Variants in TRPA1 observed in about 807,000 individuals in gnomAD.
The protein encoded by TRPA1 is ankyrin-like with transmembrane domains 1.
TRPA1 carries 129 observed loss-of-function variants against 131.3 expected under a neutral mutation model. The ratio of observed to expected loss-of-function variants is 0.98; its 90% confidence interval spans 0.85 to 1.14. The LOEUF is 1.14. Among genes scored for constraint, TRPA1 ranks in the 50% most tolerant of loss-of-function variants. The pLI is 0.00. For missense variants in TRPA1, 1,304 were observed against 1,354.2 expected, an observed-to-expected ratio of 0.96 and a Z score of 0.58; for synonymous variants, 441 against 451.7, an observed-to-expected ratio of 0.98 and a Z score of 0.30.
In TRPA1 at chr8:72,023,018, C is replaced by T. The variant is rs1163991952; in HGVS notation, c.3248G>A (p.Ser1083Asn). The T allele has an allele frequency of 6.2e-6, 10 of 1,613,728 alleles. No individual in the cohort carries two copies. The highest frequency in any genetic ancestry group is 8.5e-6 in the Non-Finnish European group (10 of 1,179,858). ...AAACCTGTCTTGAAAAGAACAATGGCTATCATCATCCTCTGTCTCAGAGAT... is the reference window on the plus strand; with the variant it reads ...AAACCTGTCTTGAAAAGAACAATGGTTATCATCATCCTCTGTCTCAGAGAT... The part of the protein sequence containing the change: ...EIISETEDDD[S>N]HCSFQDRFKK... The change falls in exon 27 of 27, where the codon AGC (serine) becomes AAC (asparagine). Residue 1083 changes from serine (S) to asparagine (N), a missense_variant. Coordinates refer to ENST00000262209, the MANE Select transcript of TRPA1 (RefSeq NM_007332.3).
At position 72,038,003 on chromosome 8, in the gene TRPA1, C is replaced by T; in HGVS notation, c.2365G>A (p.Ala789Thr). 6.2e-7 allele frequency: 1 copy of T among 1,601,400 alleles called. No homozygotes were observed. The highest frequency in any genetic ancestry group is 1.1e-5 in the South Asian group (1 of 90,620). ...LSSIFGYCKE[A>T]GQIFQQKRNY... The stretch of plus-strand genomic sequence containing the variant: ...CATACCTGTTGGAAAATTTGCCCCG[C>T]TTCTTTGCAATACCCAAATATACTT... Residue 789 changes from alanine to threonine, a missense_variant, in exon 20 of 27, where the codon GCG becomes ACG. Transcript: ENST00000262209.
intron 15 of TRPA1, 61 bp downstream of exon 15, chr8:72,050,717 G>A (rs1436772119): frequency 3.7e-6 from 4 of 1,069,028 alleles, no homozygotes; most frequent in Non-Finnish European, 5.8e-6. Context: ...TTATTAGGTT[G>A]TGATTACAAC....
At chr8:72,048,760 T>C (rs1805414418) in intron 15 of TRPA1, among the ~76,000 whole-genome samples, 1 of 152,062 alleles carries the variant, frequency 6.6e-6, no homozygotes. Flanking sequence ...AATTAAGTCA[T>C]TATAGAAAAT....
chr8:72,086,103 CT>C, the TRPA1 span, among the ~76,000 whole-genome samples: 1 of 151,872 alleles, frequency 6.6e-6, no homozygotes, highest in African/African-American at 2.4e-5. Context: ...GGGTTTCAAC[CT>C]GTTAGCCAGG....
rs1805906986 is a variant in TRPA1, at chr8:72,065,416, TAAAG to T, written c.552+31_552+34del. On this transcript the variant is annotated intron_variant, in intron 4 of 26. Coordinates refer to ENST00000262209, the MANE Select transcript of TRPA1 (RefSeq NM_007332.3). ...AATCCATGTTGTATTCATGAAAAGA[TAAAG>T]AAAGCAGACAGATATGACAAATATA... The T allele has an allele frequency of 4.0e-6, 6 of 1,482,166 alleles. No individual in the cohort carries two copies. In the South Asian group the frequency reaches 5.7e-5, roughly 14 times the overall value. 91.8% of individuals were successfully genotyped at this position (1,482,166 alleles called of 1,614,324 possible). A position where few individuals can be genotyped will look rare whatever the true frequency, so the allele number is the denominator to read the frequency against.
At chr8:72,077,964 A>G (rs2587561), upstream of TRPA1, among the ~76,000 whole-genome samples, 19,780 of 151,956 alleles carry the variant, frequency 0.13, 1,430 homozygotes, top group East Asian at 0.32. Context: ...TCAAATTACA[A>G]TTTGACATTA....
chr8:72,034,714 C>G (rs1811965112), intron 21 of TRPA1, among the ~76,000 whole-genome samples: 1 of 152,194 alleles, frequency 6.6e-6, no homozygotes, highest in Non-Finnish European at 1.5e-5. Context: ...TCTGCCTCAG[C>G]TTCCCGAGTA....
intron 23 of TRPA1, among the ~76,000 whole-genome samples, chr8:72,031,087 A>C (rs937146577): frequency 2.0e-5 from 3 of 152,238 alleles, no homozygotes; most frequent in African/African-American, 7.2e-5. Context: ...AGTATAGAGC[A>C]GGGTACATAA....
chr8:72,084,786 G>A, the TRPA1 span, among the ~76,000 whole-genome samples: 4 of 150,990 alleles, frequency 2.6e-5, no homozygotes, highest in Admixed American at 2.0e-4. Context: ...TGAGTAACTG[G>A]GATTACAGGT....
chr8:72,024,314 T>A (rs1040880666), intron 25 of TRPA1, among the ~76,000 whole-genome samples: 1 of 152,236 alleles, frequency 6.6e-6, no homozygotes, highest in African/African-American at 2.4e-5. Flanking sequence ...AAGTTTCACC[T>A]GGAGAAATTT....
chr8:72,046,666 C>A, intron 16 of TRPA1, 58 bp from the exon 17 acceptor site: 1 of 858,438 alleles, frequency 1.2e-6, no homozygotes, highest in South Asian at 1.6e-5. Context: ...ATAGAATCCC[C>A]AAAGTAATTC....
intron 17 of TRPA1, among the ~76,000 whole-genome samples, chr8:72,042,937 T>C (rs1296488235): frequency 6.6e-6 from 1 of 151,860 alleles, no homozygotes; most frequent in Non-Finnish European, 1.5e-5. Flanking sequence ...GTTTAATAAG[T>C]ATAGAGTTTC....
At chr8:72,069,829 C>T (rs2129436620) in intron 2 of TRPA1, among the ~76,000 whole-genome samples, 1 of 151,654 alleles carries the variant, frequency 6.6e-6, no homozygotes, top group Admixed American at 6.6e-5. Context: ...GAGAGAGAGA[C>T]CTTGTGATGT....
chr8:72,027,394 G>A (rs1811646786), intron 24 of TRPA1, among the ~76,000 whole-genome samples: 1 of 152,118 alleles, frequency 6.6e-6, no homozygotes, highest in Non-Finnish European at 1.5e-5. Flanking sequence ...TCTAACTGGT[G>A]GGGTTTCCAT....
intron 21 of TRPA1, among the ~76,000 whole-genome samples, chr8:72,035,151 A>G (rs1217602034): frequency 6.6e-6 from 1 of 152,166 alleles, no homozygotes; most frequent in Admixed American, 6.6e-5. Flanking sequence ...TCTGGCCTCT[A>G]ACTTGTAGTC....
intron 13 of TRPA1, 171 bp from the exon 14 acceptor site, chr8:72,052,936 T>C (rs528962591): frequency 8.3e-6 from 5 of 599,122 alleles, no homozygotes; most frequent in Non-Finnish European, 1.1e-5. Flanking sequence ...AGTTCTAGCA[T>C]GGTGTGTGTG....
intron 10 of TRPA1, chr8:72,056,199 C>G: frequency 3.0e-6 from 1 of 334,376 alleles, no homozygotes; most frequent in South Asian, 3.1e-5. Context: ...TCCTCCCACC[C>G]CCAAATAACA....
At chr8:72,025,450 C>G (rs2129432487) in intron 25 of TRPA1, among the ~76,000 whole-genome samples, 1 of 152,170 alleles carries the variant, frequency 6.6e-6, no homozygotes, top group East Asian at 1.9e-4. Context: ...TCAATTAAAC[C>G]TCTTTCCTTT....
chr8:72,052,620 A>G lies in TRPA1; in HGVS notation c.1790T>C (p.Leu597Pro). Residue 597 changes from leucine to proline, a missense_variant, in exon 14 of 27, where the codon CTT (leucine) becomes CCT (proline). Physicochemically the swap from Leu to Pro is moderately conservative, Grantham distance 98. Transcript: ENST00000262209. ...GTACCTTTTGCTCCTGATGATCGTA[A>G]GAACAACCTCCTTCCTCTTATTGTG... ...ALHNKRKEVVLTIIRSKRWDE... is the reference protein window; with the variant it reads ...ALHNKRKEVVPTIIRSKRWDE... 1 of 1,613,618 alleles carries G rather than the reference A, an allele frequency of 6.2e-7. No homozygotes were observed. Among genetic ancestry groups the G allele is most frequent in the Non-Finnish European group, 8.5e-7 (1 of 1,179,718 alleles).
Sources: allele counts gnomAD v4.1 joint callset (sites outside exome capture counted in the v4.1 genomes callset), GRCh38; gene constraint gnomAD v4.1.1; transcripts MANE v1.5; gene names NCBI Gene and HGNC (gene_info 2026-07-23, HGNC 2026-07-21).